BLOC1S6: variants seen among roughly 807,000 people sequenced by gnomAD.
The protein encoded by BLOC1S6 is biogenesis of lysosome-related organelles complex 1 subunit 6.
Under a neutral mutation model 24.7 loss-of-function variants are expected in BLOC1S6, and 24 were observed. That is an observed-to-expected ratio of 0.97 (90% CI 0.70 to 1.37). BLOC1S6 has a LOEUF of 1.37. Ranked by LOEUF, BLOC1S6 falls within the 40% of genes most tolerant of loss-of-function variation. The pLI, the probability that BLOC1S6 is intolerant of heterozygous loss-of-function variation, is 0.00. For missense variants in BLOC1S6, 175 were observed against 196.2 expected, an observed-to-expected ratio of 0.89 and a Z score of 0.64; for synonymous variants, 76 against 72.6, an observed-to-expected ratio of 1.05 and a Z score of -0.23.
At chr15:45,596,428 G>A (rs1189808401) in intron 2 of BLOC1S6, among the ~76,000 whole-genome samples, 1 of 148,146 alleles carries the variant, frequency 6.8e-6, no homozygotes, top group Admixed American at 6.7e-5. Flanking sequence ...GAATTCCTAG[G>A]CTCAAGTGAT....
At position 45,605,527 on chromosome 15, in the gene BLOC1S6, T is replaced by A. The variant is rs1894419547; in HGVS notation, c.399+13T>A. On this transcript the variant is annotated intron_variant, in intron 4 of 4. Coordinates refer to ENST00000220531, the MANE Select transcript of BLOC1S6 (RefSeq NM_012388.4). Reference sequence around the variant, plus strand: ...ATCAAAGTTAAAAGTGAGTTGAAAATTCTTTCACATTCTTTACAAAAGTAG... The same window carrying A: ...ATCAAAGTTAAAAGTGAGTTGAAAAATCTTTCACATTCTTTACAAAAGTAG... 1 of 1,543,662 alleles carries A rather than the reference T, an allele frequency of 6.5e-7. No homozygotes were observed. The highest frequency in any genetic ancestry group is 8.9e-7 in the Non-Finnish European group (1 of 1,117,960).
intron 2 of BLOC1S6, chr15:45,598,370 T>C (rs1466193955): frequency 1.8e-5 from 2 of 108,962 alleles, no homozygotes; most frequent in Non-Finnish European, 3.7e-5. Flanking sequence ...GGGTATTCAA[T>C]TAGGAAAAGA....
chr15:45,589,833 G>T (rs1300057000), intron 1 of BLOC1S6, among the ~76,000 whole-genome samples: 2 of 146,812 alleles, frequency 1.4e-5, no homozygotes, highest in African/African-American at 2.8e-5. Context: ...GAGGGTAAAA[G>T]AGAGAAAAAC....
At chr15:45,600,077 A>G (rs1403500965) in intron 2 of BLOC1S6, among the ~76,000 whole-genome samples, 1 of 148,756 alleles carries the variant, frequency 6.7e-6, no homozygotes, top group Admixed American at 6.7e-5. Context: ...AAACTATCGC[A>G]AGAACAAAAA....
chr15:45,603,249 G>A, intron 3 of BLOC1S6, 62 bp downstream of exon 3: 1 of 1,039,458 alleles, frequency 9.6e-7, no homozygotes, highest in Non-Finnish European at 1.4e-6. Context: ...CTAAGACTTA[G>A]CTAAGCAATA....
rs1340019929 is a variant in BLOC1S6 at position 45,608,051 on chromosome 15, G to A, written c.*1537G>A. The A allele has an allele frequency of 6.6e-6, 1 of 152,514 alleles. No individual in the cohort carries two copies. 9.4% of individuals were successfully genotyped at this position (152,514 alleles called of 1,614,324 possible). On this transcript the variant is annotated 3_prime_UTR_variant, in exon 5 of 5. Coordinates refer to ENST00000220531, the MANE Select transcript of BLOC1S6 (RefSeq NM_012388.4). ...TGGTCTCCAATCTCCATTACATAGG[G>A]ACTGTACAGAGCCTGTGAAGATGTA...
chr15:45,603,418 A>G (rs1894337830), intron 3 of BLOC1S6, among the ~76,000 whole-genome samples: 1 of 152,198 alleles, frequency 6.6e-6, no homozygotes, highest in Non-Finnish European at 1.5e-5. Flanking sequence ...GACTTAGAAA[A>G]GAGAACTTAG....
intron 2 of BLOC1S6, among the ~76,000 whole-genome samples, chr15:45,596,611 C>T (rs980300428): frequency 4.0e-5 from 6 of 151,798 alleles, no homozygotes; most frequent in African/African-American, 1.2e-4. Context: ...TATTCTGTTC[C>T]ATTGATCAGT....
intron 1 of BLOC1S6, 113 bp downstream of exon 1, chr15:45,587,638 GC>G: frequency 6.6e-6 from 7 of 1,066,588 alleles, no homozygotes; most frequent in Non-Finnish European, 9.6e-6. Context: ...GGCGGCTGCG[GC>G]CCCCGGGCCC....
At chr15:45,595,029 A>T (rs564324364) in intron 2 of BLOC1S6, among the ~76,000 whole-genome samples, 4 of 152,254 alleles carry the variant, frequency 2.6e-5, no homozygotes, top group African/African-American at 9.6e-5. Context: ...AGGTTCCTGA[A>T]CACAAAACTT....
Position 45,588,790 on chromosome 15 carries a change from GC to G in BLOC1S6, c.82+1269del, listed in dbSNP as rs542367287. Among the ~76,000 whole-genome samples, 42 of 152,290 alleles carry G rather than the reference GC, an allele frequency of 2.8e-4. 1 individual carries two copies. In the South Asian group the frequency reaches 8.1e-3, roughly 29 times the overall value. ...AGCTCACTATTGCTATGCTGCATAT[GC>G]CCCATGCCTCTCCAGAAGTATCCTG... On this transcript the variant is annotated intron_variant, in intron 1 of 4. Transcript: ENST00000220531.
rs779690168 is a variant in BLOC1S6, at chr15:45,606,431, G to A, written c.436G>A (p.Glu146Lys). The change falls in exon 5 of 5, where the codon GAA becomes AAA. Residue 146 changes from glutamate to lysine, a missense_variant. Glu to Lys is a moderately conservative substitution (Grantham distance 56). Transcript: ENST00000220531. ...ALKLQQKRQK[E>K]ELEREQQREK... is the part of the protein sequence containing the mutation. ...TAAACTGCAGCAGAAGAGGCAAAAAGAAGAGTTGGAAAGGGAGCAGCAACG... is the reference window on the plus strand; with the variant it reads ...TAAACTGCAGCAGAAGAGGCAAAAAAAAGAGTTGGAAAGGGAGCAGCAACG... 3 of 1,614,056 alleles carry A rather than the reference G, an allele frequency of 1.9e-6. No individual in the cohort carries two copies. The highest frequency in any genetic ancestry group is 2.2e-5 in the South Asian group (2 of 91,080).
At chr15:45,592,631 A>G (rs973803887) in intron 2 of BLOC1S6, among the ~76,000 whole-genome samples, 1 of 152,180 alleles carries the variant, frequency 6.6e-6, no homozygotes, top group Non-Finnish European at 1.5e-5. Context: ...TGCCTCCATA[A>G]AAGTCACGCT....
At chr15:45,597,159 A>G (rs1894107433) in intron 2 of BLOC1S6, among the ~76,000 whole-genome samples, 1 of 152,148 alleles carries the variant, frequency 6.6e-6, no homozygotes. Flanking sequence ...CCTTAGATCA[A>G]GTTGGAAATA....
In BLOC1S6 at chr15:45,595,055, G is replaced by T. The variant is rs1289822537; in HGVS notation, c.224+2779G>T. ...CACAAAACTTTTGTTTCCTCTCCCA[G>T]TGAGAGGAAACCCCCGCTGCCAGCA... On this transcript the variant is annotated intron_variant, in intron 2 of 4. Coordinates refer to ENST00000220531, the MANE Select transcript of BLOC1S6 (RefSeq NM_012388.4). Among the ~76,000 whole-genome samples the T allele has an allele frequency of 4.6e-5, 7 of 152,114 alleles. No homozygotes were observed. In the East Asian group the frequency reaches 1.4e-3, roughly 29 times the overall value.
intron 2 of BLOC1S6, among the ~76,000 whole-genome samples, chr15:45,601,825 A>G (rs536261624): frequency 6.6e-6 from 1 of 151,750 alleles, no homozygotes; most frequent in Non-Finnish European, 1.5e-5. Flanking sequence ...TCCATTCTGT[A>G]TTTCACTTTC....
chr15:45,605,002 G>A (rs1477041965), intron 3 of BLOC1S6, among the ~76,000 whole-genome samples: 1 of 152,170 alleles, frequency 6.6e-6, no homozygotes, highest in Non-Finnish European at 1.5e-5. Flanking sequence ...CCACAGTTTG[G>A]GTTTTCCTTA....
intron 1 of BLOC1S6, among the ~76,000 whole-genome samples, chr15:45,590,833 A>G (rs1159999145): frequency 6.6e-6 from 1 of 152,232 alleles, no homozygotes; most frequent in Non-Finnish European, 1.5e-5. Flanking sequence ...GATGGTTACC[A>G]GACTATAATT....
chr15:45,600,828 G>T (rs763181756), intron 2 of BLOC1S6, among the ~76,000 whole-genome samples: 16 of 152,234 alleles, frequency 1.1e-4, no homozygotes, highest in Non-Finnish European at 1.3e-4. Flanking sequence ...AGAATGAGTT[G>T]GGAGGTGCTC....
Sources: allele counts gnomAD v4.1 joint callset (sites outside exome capture counted in the v4.1 genomes callset), GRCh38; gene constraint gnomAD v4.1.1; transcripts MANE v1.5; gene names NCBI Gene and HGNC (gene_info 2026-07-23, HGNC 2026-07-21).